Variants in STIP1 observed in about 807,000 individuals in gnomAD.
STIP1 encodes the protein stress-induced-phosphoprotein 1.
Under a neutral mutation model 77.4 loss-of-function variants are expected in STIP1, and 16 were observed. The observed-to-expected ratio is 0.21, with a 90% CI of 0.14 to 0.31. STIP1 has a LOEUF of 0.31. Ranked by LOEUF, STIP1 falls within the 10% of genes least tolerant of loss-of-function variation. STIP1 has a pLI of 1.00. For missense variants in STIP1, 524 were observed against 684.8 expected, an observed-to-expected ratio of 0.77 and a Z score of 2.62; for synonymous variants, 258 against 246.6, an observed-to-expected ratio of 1.05 and a Z score of -0.44.
upstream of STIP1, chr11:64,185,948 T>C: frequency 2.0e-6 from 3 of 1,537,220 alleles, no homozygotes; most frequent in Non-Finnish European, 1.7e-6. Context: ...AGTTCGCTCC[T>C]CCCTCCATTC....
chr11:64,200,902 A>G (rs1236731682), intron 10 of STIP1, among the ~76,000 whole-genome samples: 1 of 151,288 alleles, frequency 6.6e-6, no homozygotes, highest in Non-Finnish European at 1.5e-5. Context: ...TCTCCCGGGT[A>G]TTTTAGTAGA....
In STIP1 at chr11:64,200,166, C is replaced by G; in HGVS notation, c.1121-3C>G. 1 of 1,611,120 alleles carries G rather than the reference C, an allele frequency of 6.2e-7. No homozygotes were observed. Among genetic ancestry groups the G allele is most frequent in the South Asian group, 1.1e-5 (1 of 90,798 alleles). On this transcript the variant is annotated splice_region_variant and splice_polypyrimidine_tract_variant and intron_variant, in intron 9 of 13. Transcript: ENST00000305218. Reference sequence around the variant, plus strand: ...AAAGACAGTCTTTGTTTTTCTTCCCCAGGGGACTATCCCCAGGCCATGAAG... The same window carrying G: ...AAAGACAGTCTTTGTTTTTCTTCCCGAGGGGACTATCCCCAGGCCATGAAG...
chr11:64,195,692 G>A lies in STIP1; in HGVS notation c.551G>A (p.Gly184Glu). 6.2e-7 allele frequency: 1 copy of A among 1,613,948 alleles called. No individual in the cohort carries two copies. The highest frequency in any genetic ancestry group is 8.5e-7 in the Non-Finnish European group (1 of 1,179,996). ...RIMTTLSVLL[G>E]VDLGSMDEEE... is the part of the protein sequence containing the mutation. ...ATGACCACTCTCAGCGTCCTCCTTG[G>A]GGTCGATCTGGGCAGTATGGATGAG... Residue 184 changes from glycine (G) to glutamate (E), a missense_variant, in exon 5 of 14, where the codon GGG becomes GAG. Gly to Glu is a moderately conservative substitution (Grantham distance 98). Transcript: ENST00000305218.
chr11:64,187,279 C>T (rs942366802), intron 1 of STIP1, among the ~76,000 whole-genome samples: 17 of 152,084 alleles, frequency 1.1e-4, no homozygotes, highest in African/African-American at 3.6e-4. Context: ...AGAAAAAGGA[C>T]AAAACAACCT....
rs893179236 is a variant in STIP1 at position 64,194,749 on chromosome 11, A to T, written c.503+129A>T. 1.2e-5 allele frequency: 14 copies of T among 1,174,230 alleles called. No homozygotes were observed. In the Admixed American group the frequency reaches 4.0e-4, roughly 34 times the overall value. 72.7% of individuals were successfully genotyped at this position (1,174,230 alleles called of 1,614,324 possible). ...TGCCTTTGCTTATTCTCTGCAGAGC[A>T]GTAGGTGGTGGTCGTTTATTTGTAA... On this transcript the variant is annotated intron_variant, in intron 4 of 13. Transcript: ENST00000305218.
At chr11:64,199,198 C>CA (rs1193213811) in intron 8 of STIP1, among the ~76,000 whole-genome samples, 118 of 113,960 alleles carry the variant, frequency 1.0e-3, no homozygotes, top group Admixed American at 1.9e-3. Flanking sequence ...GACTCCATCT[C>CA]AAAAAAAAAA....
At position 64,194,329 on chromosome 11, in the gene STIP1, A is replaced by C; in HGVS notation, c.360A>C (p.Ala120=). Reference sequence around the variant, plus strand: ...TACAGAATATGGAGGCCAGGTTGGCAGGTAGGTACCACGCACAGTTTTCTT... The same window carrying C: ...TACAGAATATGGAGGCCAGGTTGGCCGGTAGGTACCACGCACAGTTTTCTT... ...EGLQNMEARL[A]ERKFMNPFNM... Residue 120 remains alanine, a splice_region_variant and synonymous_variant, in exon 3 of 14, where the codon GCA becomes GCC. Transcript: ENST00000305218. The C allele has an allele frequency of 6.2e-7, 1 of 1,613,388 alleles. No homozygotes were observed. The highest frequency in any genetic ancestry group is 1.3e-5 in the African/African-American group (1 of 75,004).
chr11:64,202,254 CAG>C (rs1184816340), intron 10 of STIP1, among the ~76,000 whole-genome samples: 9 of 151,894 alleles, frequency 5.9e-5, no homozygotes, highest in East Asian at 1.9e-4. Flanking sequence ...TTTTTTGAGA[CAG>C]AGTTTCACTC....
At chr11:64,199,115 G>A (rs1012227654) in intron 8 of STIP1, among the ~76,000 whole-genome samples, 4 of 151,698 alleles carry the variant, frequency 2.6e-5, no homozygotes, top group South Asian at 2.1e-4. Flanking sequence ...CAGGAGAATC[G>A]CTTGAACTCA....
In STIP1 at chr11:64,195,713, A is replaced by C. The variant is rs1187543778; in HGVS notation, c.572A>C (p.Asp191Ala). The C allele has an allele frequency of 1.2e-6, 2 of 1,613,982 alleles. No homozygotes were observed. The highest frequency in any genetic ancestry group is 1.7e-6 in the Non-Finnish European group (2 of 1,180,032). The change falls in exon 5 of 14, where the codon GAT (aspartate) becomes GCT (alanine). Residue 191 changes from aspartate to alanine, a missense_variant. Transcript: ENST00000305218. The stretch of plus-strand genomic sequence containing the variant: ...CTTGGGGTCGATCTGGGCAGTATGG[A>C]TGAGGAGGAAGAGATTGCAACACCT... ...VLLGVDLGSM[D>A]EEEEIATPPP...
upstream of STIP1, chr11:64,185,623 G>A (rs1022450830): frequency 1.4e-5 from 9 of 653,510 alleles, no homozygotes; most frequent in South Asian, 2.0e-5. Flanking sequence ...CGCGGCACTC[G>A]GGAGCGAGAG....
chr11:64,193,277 A>T lies in STIP1; in HGVS notation c.209A>T (p.Asp70Val), dbSNP rs1332022555. The stretch of plus-strand genomic sequence containing the variant: ...TGCAAGACTGTCGACCTAAAGCCTG[A>T]CTGGGGCAAGGTCAGCTGTGGGCAG... ...DGCKTVDLKP[D>V]WGKGYSRKAA... The change falls in exon 2 of 14, where the codon GAC (aspartate) becomes GTC (valine). Residue 70 changes from aspartate to valine, a missense_variant. Coordinates refer to ENST00000305218, the MANE Select transcript of STIP1 (RefSeq NM_006819.3). 6.2e-7 allele frequency: 1 copy of T among 1,614,076 alleles called. No homozygotes were observed. Among genetic ancestry groups the T allele is most frequent in the African/African-American group, 1.3e-5 (1 of 74,914 alleles).
At chr11:64,188,486 C>T (rs1946053401) in intron 1 of STIP1, among the ~76,000 whole-genome samples, 1 of 152,158 alleles carries the variant, frequency 6.6e-6, no homozygotes, top group Admixed American at 6.5e-5. Flanking sequence ...TTCCTGGCCT[C>T]AAGCGATCCT....
At chr11:64,191,247 T>A (rs1172202844) in intron 1 of STIP1, among the ~76,000 whole-genome samples, 1 of 149,106 alleles carries the variant, frequency 6.7e-6, no homozygotes, top group Non-Finnish European at 1.5e-5. Flanking sequence ...GAGCTCAAGG[T>A]TACAGTCAGC....
rs1252533032 is a variant in STIP1 at position 64,204,371 on chromosome 11, G to T, written c.*245G>T. 2 of 489,696 alleles carry T rather than the reference G, an allele frequency of 4.1e-6. No homozygotes were observed. The highest frequency in any genetic ancestry group is 7.7e-5 in the Admixed American group (2 of 25,820). 30.3% of individuals were successfully genotyped at this position (489,696 alleles called of 1,614,324 possible). A position where few individuals can be genotyped will look rare whatever the true frequency, so the allele number is the denominator to read the frequency against. On this transcript the variant is annotated 3_prime_UTR_variant, in exon 14 of 14. Transcript: ENST00000305218. ...CTCGAGTTCCATGTCTCTTTCCCCTGCCCCTAGTTGCTGTCTCGGCTGCTC... is the reference window on the plus strand; with the variant it reads ...CTCGAGTTCCATGTCTCTTTCCCCTTCCCCTAGTTGCTGTCTCGGCTGCTC...
chr11:64,185,899 C>T (rs1170958929), upstream of STIP1: 2 of 1,536,184 alleles, frequency 1.3e-6, no homozygotes, highest in African/African-American at 1.4e-5. Context: ...GCCAGCGCGG[C>T]TACGATTGGC....
chr11:64,194,411 T>A, intron 3 of STIP1, 68 bp from the exon 4 acceptor site: 2 of 1,610,968 alleles, frequency 1.2e-6, no homozygotes, highest in Non-Finnish European at 1.7e-6. Flanking sequence ...GTCAGTCTGG[T>A]AGGGTATGGG....
At position 64,193,153 on chromosome 11, in the gene STIP1, G is replaced by A. The variant is rs561456137; in HGVS notation, c.85G>A (p.Glu29Lys). ...NIDDALQCYS[E>K]AIKLDPHNHV... ...CGATGATGCCTTACAGTGCTACTCC[G>A]AAGCTATTAAGCTGGATCCCCACAA... Residue 29 changes from glutamate (E) to lysine (K), a missense_variant, in exon 2 of 14, where the codon GAA (glutamate) becomes AAA (lysine). Glu to Lys is a moderately conservative substitution (Grantham distance 56). Coordinates refer to ENST00000305218, the MANE Select transcript of STIP1 (RefSeq NM_006819.3). 3.7e-5 allele frequency: 60 copies of A among 1,614,166 alleles called. No homozygotes were observed. Among genetic ancestry groups the A allele is most frequent in the Non-Finnish European group, 4.7e-5 (56 of 1,180,034 alleles).
In STIP1 at chr11:64,204,270, G is replaced by A. The variant is rs185323215; in HGVS notation, c.*144G>A. On this transcript the variant is annotated 3_prime_UTR_variant, in exon 14 of 14. Transcript: ENST00000305218. ...TACATAACCCCGGGGAAGACACAGA[G>A]ACTCGTACCTGCGCTGTTTGTGCCG... The A allele has an allele frequency of 1.0e-5, 8 of 799,412 alleles. No individual in the cohort carries two copies. In the East Asian group the frequency reaches 1.9e-4, roughly 19 times the overall value. 49.5% of individuals were successfully genotyped at this position (799,412 alleles called of 1,614,324 possible).
Sources: gnomAD v4.1 joint callset for allele counts (sites outside exome capture counted in the v4.1 genomes callset) on GRCh38, gnomAD v4.1.1 for gene constraint, MANE v1.5 for transcripts, NCBI Gene and HGNC (gene_info 2026-07-23, HGNC 2026-07-21) for gene names.